Variants in NKAIN3 observed in about 807,000 individuals in gnomAD.
NKAIN3 encodes the protein sodium/potassium transporting ATPase interacting 3, also known as sodium/potassium-transporting ATPase subunit beta-1-interacting protein 3.
NKAIN3 carries 25 observed loss-of-function variants against 30.2 expected under a neutral mutation model. The observed-to-expected ratio is 0.83, with a 90% CI of 0.60 to 1.16. The LOEUF is 1.16. Among genes scored for constraint, NKAIN3 ranks in the 50% most tolerant of loss-of-function variants. The pLI is 0.00. For synonymous variants in NKAIN3, 91 were observed against 89.6 expected, an observed-to-expected ratio of 1.02 and a Z score of -0.09; for missense variants, 225 against 254.1, an observed-to-expected ratio of 0.89 and a Z score of 0.78.
intron 4 of NKAIN3, among the ~76,000 whole-genome samples, chr8:62,774,380 A>G (rs1817117670): frequency 6.6e-6 from 1 of 152,274 alleles, no homozygotes; most frequent in Non-Finnish European, 1.5e-5. Flanking sequence ...TTCCTTTCCA[A>G]TTTGGATGCC....
At chr8:62,996,908 C>T (rs1017815848) in intron 5 of NKAIN3, among the ~76,000 whole-genome samples, 4 of 152,160 alleles carry the variant, frequency 2.6e-5, no homozygotes, top group Admixed American at 6.5e-5. Context: ...ATGGCCTCTG[C>T]GGCTGCTTTC....
intron 3 of NKAIN3, among the ~76,000 whole-genome samples, chr8:62,689,876 T>A (rs1246081053): frequency 1.3e-5 from 2 of 152,022 alleles, no homozygotes; most frequent in South Asian, 4.2e-4. Flanking sequence ...AAAAATTACA[T>A]CATATCTCAG....
chr8:62,269,277 AT>A (rs1812701638), intron 1 of NKAIN3, among the ~76,000 whole-genome samples: 1 of 152,168 alleles, frequency 6.6e-6, no homozygotes, highest in African/African-American at 2.4e-5. Flanking sequence ...ATGAAAAAAC[AT>A]TTTTAACCCC....
At chr8:62,532,128 A>T (rs1261937295) in intron 1 of NKAIN3, among the ~76,000 whole-genome samples, 1 of 152,068 alleles carries the variant, frequency 6.6e-6, no homozygotes, top group Non-Finnish European at 1.5e-5. Flanking sequence ...GAACATGCTC[A>T]TTTTAGTCAG....
rs1198905991 is a variant in NKAIN3, at chr8:62,977,334, C to G, written c.*11927C>G. Among the ~76,000 whole-genome samples the G allele has an allele frequency of 1.3e-5, 2 of 152,178 alleles. No individual in the cohort carries two copies. The highest frequency in any genetic ancestry group is 3.9e-4 in the East Asian group (2 of 5,172). ...CCCCATCACTTTTAGGTACACCAAT[C>G]AAACGTTGGCTTGGTCTTTTCACAT... On this transcript the variant is annotated 3_prime_UTR_variant, in exon 7 of 7. Coordinates refer to ENST00000623646, the MANE Select transcript of NKAIN3 (RefSeq NM_001304533.3).
chr8:62,415,141 ATGT>A (rs1804394469), intron 1 of NKAIN3, among the ~76,000 whole-genome samples: 1 of 141,804 alleles, frequency 7.1e-6, no homozygotes, highest in African/African-American at 2.6e-5. Flanking sequence ...TATAGTATAT[ATGT>A]ATTATATACT....
At chr8:62,946,239 G>A (rs1563327) in intron 5 of NKAIN3, among the ~76,000 whole-genome samples, 25,902 of 152,080 alleles carry the variant, frequency 0.17, 2,644 homozygotes, top group East Asian at 0.37. Context: ...GGGTAGCACA[G>A]CCCCAACCAC....
chr8:62,826,943 T>C (rs1197804303), intron 4 of NKAIN3, among the ~76,000 whole-genome samples: 2 of 152,190 alleles, frequency 1.3e-5, no homozygotes, highest in African/African-American at 2.4e-5. Flanking sequence ...GAACGGGCTA[T>C]CAAGGTCTAA....
At position 62,395,066 on chromosome 8, in the gene NKAIN3, C is replaced by T. The variant is rs191220184; in HGVS notation, c.54+145939C>T. Among the ~76,000 whole-genome samples the T allele has an allele frequency of 1.9e-3, 272 of 140,318 alleles. 1 individual carries two copies. The highest frequency in any genetic ancestry group is 7.0e-3 in the African/African-American group (260 of 37,322). 92.1% of individuals were successfully genotyped at this position (140,318 alleles called of 152,430 possible). ...GCTCCTCACTTCCCAGACGGTGGGTCGGCCAGGCAGAGGCGCTCATCACTT... is the reference window on the plus strand; with the variant it reads ...GCTCCTCACTTCCCAGACGGTGGGTTGGCCAGGCAGAGGCGCTCATCACTT... On this transcript the variant is annotated intron_variant, in intron 1 of 6. Coordinates refer to ENST00000623646, the MANE Select transcript of NKAIN3 (RefSeq NM_001304533.3).
chr8:62,954,466 C>T (rs1823368931), intron 6 of NKAIN3, among the ~76,000 whole-genome samples: 2 of 152,172 alleles, frequency 1.3e-5, no homozygotes, highest in African/African-American at 4.8e-5. Flanking sequence ...CTGCCTATTA[C>T]TCTTCCCAGT....
At chr8:62,488,524 G>A (rs547584795) in intron 1 of NKAIN3, among the ~76,000 whole-genome samples, 5 of 152,078 alleles carry the variant, frequency 3.3e-5, no homozygotes, top group African/African-American at 1.2e-4. Context: ...TGAATGGGTA[G>A]CCCATCCTCT....
At chr8:62,491,749 T>G (rs66529534) in intron 1 of NKAIN3, among the ~76,000 whole-genome samples, 18,587 of 151,998 alleles carry the variant, frequency 0.12, 1,292 homozygotes, top group African/African-American at 0.19. Context: ...AAAGTCTAGG[T>G]TAAAGAGAAT....
chr8:62,694,255 C>T (rs565177148), intron 3 of NKAIN3, among the ~76,000 whole-genome samples: 2 of 152,226 alleles, frequency 1.3e-5, no homozygotes, highest in African/African-American at 4.8e-5. Flanking sequence ...TTCCTAGCCT[C>T]TGGTAATTGC....
intron 4 of NKAIN3, among the ~76,000 whole-genome samples, chr8:62,913,650 T>C (rs1463863262): frequency 6.6e-6 from 1 of 152,178 alleles, no homozygotes; most frequent in African/African-American, 2.4e-5. Flanking sequence ...GGCAAAGACG[T>C]TATCTTGGAA....
chr8:62,574,608 A>G (rs1029417834), intron 1 of NKAIN3, among the ~76,000 whole-genome samples: 4 of 152,122 alleles, frequency 2.6e-5, no homozygotes, highest in Non-Finnish European at 5.9e-5. Flanking sequence ...TAAAGAACCC[A>G]GAAATAAATT....
At chr8:62,891,312 G>A (rs1046183649) in intron 4 of NKAIN3, among the ~76,000 whole-genome samples, 5 of 152,190 alleles carry the variant, frequency 3.3e-5, no homozygotes, top group Admixed American at 3.3e-4. Flanking sequence ...TTGAACATCA[G>A]ACTCCAAGTT....
At chr8:62,996,888 T>C (rs1247482058) in intron 5 of NKAIN3, among the ~76,000 whole-genome samples, 1 of 152,286 alleles carries the variant, frequency 6.6e-6, no homozygotes, top group Non-Finnish European at 1.5e-5. Context: ...CCTCTGTAGC[T>C]CTGCAGGGTA....
chr8:62,538,831 T>G (rs1808749889), intron 1 of NKAIN3, among the ~76,000 whole-genome samples: 1 of 152,232 alleles, frequency 6.6e-6, no homozygotes, highest in East Asian at 1.9e-4. Context: ...TTTTTCTAAT[T>G]TTGAGAAATT....
At chr8:62,928,308 A>G (rs1444905726) in intron 5 of NKAIN3, among the ~76,000 whole-genome samples, 3 of 152,168 alleles carry the variant, frequency 2.0e-5, no homozygotes, top group African/African-American at 7.2e-5. Flanking sequence ...ATAGAAGGAA[A>G]CAGATCTTTC....
Sources: gnomAD v4.1 joint callset for allele counts (sites outside exome capture counted in the v4.1 genomes callset) on GRCh38, gnomAD v4.1.1 for gene constraint, MANE v1.5 for transcripts, NCBI Gene and HGNC (gene_info 2026-07-23, HGNC 2026-07-21) for gene names.